Variants in GRM1 observed in about 807,000 individuals in gnomAD.
GRM1 encodes glutamate metabotropic receptor 1, also known as metabotropic glutamate receptor 1.
Under a neutral mutation model 90.9 loss-of-function variants are expected in GRM1, and 33 were observed. The observed-to-expected ratio is 0.36, with a 90% CI of 0.28 to 0.49. The LOEUF (loss-of-function observed/expected upper bound fraction) is 0.49, where lower values mean the gene tolerates loss of function less well. Among genes scored for constraint, GRM1 ranks in the 20% least tolerant of loss-of-function variants. GRM1 has a pLI of 0.99. For missense variants in GRM1, 1,190 were observed against 1,534.3 expected (o/e 0.78, Z 3.75); for synonymous variants, 700 against 613.2 (o/e 1.14, Z -2.09).
chr6:146,114,254 C>G (rs1345888581), intron 1 of GRM1, among the ~76,000 whole-genome samples: 1 of 151,888 alleles, frequency 6.6e-6, no homozygotes, highest in Non-Finnish European at 1.5e-5. Context: ...ATTAAATAGG[C>G]AAAAAACTTT....
intron 6 of GRM1, among the ~76,000 whole-genome samples, chr6:146,388,508 G>A (rs1018324771): frequency 6.6e-6 from 1 of 152,046 alleles, no homozygotes; most frequent in African/African-American, 2.4e-5. Flanking sequence ...ACAATACCTT[G>A]TAAAATGTTA....
chr6:146,212,833 C>G (rs1779725369), intron 2 of GRM1, among the ~76,000 whole-genome samples: 1 of 151,714 alleles, frequency 6.6e-6, no homozygotes, highest in Non-Finnish European at 1.5e-5. Flanking sequence ...ATATATACAC[C>G]CAACTGATAT....
intron 5 of GRM1, among the ~76,000 whole-genome samples, chr6:146,368,260 T>TTGGGGG (rs1491160990): frequency 6.9e-5 from 8 of 115,854 alleles, no homozygotes; most frequent in East Asian, 2.7e-4. Flanking sequence ...AGTTTTTTTT[T>TTGGGGG]GGGGGGGGGG....
chr6:146,063,408 C>A (rs1270157907), intron 1 of GRM1, among the ~76,000 whole-genome samples: 3 of 152,114 alleles, frequency 2.0e-5, no homozygotes, highest in Non-Finnish European at 4.4e-5. Context: ...ATATTCAATT[C>A]AACATTGATA....
intron 3 of GRM1, among the ~76,000 whole-genome samples, chr6:146,320,570 A>G (rs1784144788): frequency 6.6e-6 from 1 of 151,430 alleles, no homozygotes; most frequent in Admixed American, 6.6e-5. Flanking sequence ...CTCTGGTAAA[A>G]TTTGGCTGTG....
In GRM1 at chr6:146,357,379, C is replaced by G. The variant is rs1454251882; in HGVS notation, c.1434-147C>G. The G allele has an allele frequency of 1.2e-5, 8 of 682,618 alleles. No homozygotes were observed. The East Asian group carries it at 1.9e-4, about 16-fold the overall frequency. 42.3% of individuals were successfully genotyped at this position (682,618 alleles called of 1,614,324 possible). A position where few individuals can be genotyped will look rare whatever the true frequency, so the allele number is the denominator to read the frequency against. On this transcript the variant is annotated intron_variant, in intron 4 of 7. Coordinates refer to ENST00000282753, the MANE Select transcript of GRM1 (RefSeq NM_001278064.2). ...ACACATTTGGGATAATCAGAGGAAA[C>G]ATAAGAAATAAGCTAAAATATTGGC...
intron 2 of GRM1, among the ~76,000 whole-genome samples, chr6:146,249,758 T>A (rs1217301871): frequency 6.6e-6 from 1 of 151,962 alleles, no homozygotes; most frequent in Non-Finnish European, 1.5e-5. Context: ...GACCCCAAAA[T>A]GGTAGCTCCA....
intron 2 of GRM1, among the ~76,000 whole-genome samples, chr6:146,234,315 A>G (rs1452034083): frequency 1.3e-5 from 2 of 152,048 alleles, no homozygotes; most frequent in South Asian, 2.1e-4. Context: ...CCTTTTAATT[A>G]GTTTATTTTC....
intron 1 of GRM1, among the ~76,000 whole-genome samples, chr6:146,062,240 A>G (rs1014761764): frequency 2.0e-5 from 3 of 152,084 alleles, no homozygotes; most frequent in African/African-American, 7.2e-5. Flanking sequence ...AACTATCACA[A>G]GAACAGAAAA....
At chr6:146,413,519 T>A (rs1583464432) in intron 7 of GRM1, among the ~76,000 whole-genome samples, 1 of 152,292 alleles carries the variant, frequency 6.6e-6, no homozygotes, top group Non-Finnish European at 1.5e-5. Flanking sequence ...TATTAAATCA[T>A]CTTTTACACA....
chr6:146,267,702 GCTCGTCTCGTCTCGTCTCGTCTCGT>G (rs1185232840), intron 2 of GRM1, among the ~76,000 whole-genome samples: 7 of 86,120 alleles, frequency 8.1e-5, no homozygotes, highest in Non-Finnish European at 1.5e-4. Flanking sequence ...GCTCGGCTCG[GCTCGTCTCGTCTCGTCTCGTCTCGT>G]CTCGTCTCGT....
At chr6:146,096,737 TC>T (rs1249835421) in intron 1 of GRM1, among the ~76,000 whole-genome samples, 1 of 152,150 alleles carries the variant, frequency 6.6e-6, no homozygotes, top group Non-Finnish European at 1.5e-5. Context: ...AATCAGAAAT[TC>T]ATCATAGGAA....
chr6:146,159,641 T>TCTCTCTCTCTCTCTCACACACACA (rs372590505), intron 2 of GRM1, 44 bp downstream of exon 2: 3 of 728,678 alleles, frequency 4.1e-6, no homozygotes, highest in South Asian at 2.0e-5. Flanking sequence ...TCTCTCTCTC[T>TCTCTCTCTCTCTCTCACACACACA]CACACACACA....
intron 5 of GRM1, among the ~76,000 whole-genome samples, chr6:146,384,421 C>A (rs1262704424): frequency 6.6e-6 from 1 of 152,004 alleles, no homozygotes; most frequent in East Asian, 1.9e-4. Flanking sequence ...AATAATGAGG[C>A]TAAACTATTC....
At chr6:146,427,149 C>A (rs1778239829) in intron 7 of GRM1, among the ~76,000 whole-genome samples, 1 of 152,026 alleles carries the variant, frequency 6.6e-6, no homozygotes, top group South Asian at 2.1e-4. Context: ...GCCTCCCACA[C>A]CCTGGGGAGC....
chr6:146,361,344 A>G (rs1239790667), intron 5 of GRM1, among the ~76,000 whole-genome samples: 2 of 152,206 alleles, frequency 1.3e-5, no homozygotes, highest in Non-Finnish European at 2.9e-5. Context: ...CCAAGGGCCC[A>G]AGACACAAGT....
chr6:146,303,256 T>G (rs1054057068), intron 2 of GRM1, among the ~76,000 whole-genome samples: 1 of 152,270 alleles, frequency 6.6e-6, no homozygotes, highest in Middle Eastern at 3.4e-3. Context: ...AGCAATAAAA[T>G]GCTTTCTTTG....
chr6:146,115,377 C>G (rs1775705444), intron 1 of GRM1, among the ~76,000 whole-genome samples: 1 of 152,074 alleles, frequency 6.6e-6, no homozygotes, highest in South Asian at 2.1e-4. Flanking sequence ...ATAGCATGTT[C>G]TCAACACGTG....
chr6:146,344,468 T>C (rs1229235299), intron 3 of GRM1, among the ~76,000 whole-genome samples: 1 of 152,240 alleles, frequency 6.6e-6, no homozygotes, highest in East Asian at 1.9e-4. Context: ...GCATTAAGTC[T>C]GGACCCTGCA....
Sources: allele counts gnomAD v4.1 joint callset (sites outside exome capture counted in the v4.1 genomes callset), GRCh38; gene constraint gnomAD v4.1.1; transcripts MANE v1.5; gene names NCBI Gene and HGNC (gene_info 2026-07-23, HGNC 2026-07-21).